Variants in CCL26 observed in about 807,000 individuals in gnomAD.
The protein encoded by CCL26 is C-C motif chemokine 26.
A neutral mutation model predicts 10.7 loss-of-function variants in CCL26; 10 were observed. The observed-to-expected ratio is 0.93, with a 90% confidence interval of 0.57 to 1.58. The LOEUF is 1.58. Ranked by LOEUF, CCL26 falls within the 40% of genes most tolerant of loss-of-function variation. CCL26 has a pLI of 0.00. For missense variants in CCL26, 116 were observed against 111.0 expected, an observed-to-expected ratio of 1.05 and a Z score of -0.20; for synonymous variants, 43 against 41.4, an observed-to-expected ratio of 1.04 and a Z score of -0.15.
rs782291287 is a variant in CCL26, at chr7:75,771,898, C to T, written c.179G>A (p.Arg60Gln). 9 of 1,610,948 alleles carry T rather than the reference C, an allele frequency of 5.6e-6. No individual in the cohort carries two copies. The highest frequency in any genetic ancestry group is 1.3e-5 in the African/African-American group (1 of 74,978). Residue 60 changes from arginine to glutamine, a missense_variant, in exon 2 of 3, where the codon CGG becomes CAG. Physicochemically the swap from Arg to Gln is conservative, Grantham distance 43. Coordinates refer to ENST00000005180, the MANE Select transcript of CCL26 (RefSeq NM_001371938.1). ...TCCGAGAAATACTCACATCACAGCC[C>T]GCTGGGAGCAGCTGTTACTGGTGAA... is the stretch of plus-strand genomic sequence containing the variant. Reference protein sequence around the residue: ...YEFTSNSCSQRAVIFTTKRGK... With the variant: ...YEFTSNSCSQQAVIFTTKRGK...
intron 1 of CCL26, among the ~76,000 whole-genome samples, chr7:75,780,458 A>C (rs1285774405): frequency 2.0e-5 from 3 of 152,056 alleles, no homozygotes; most frequent in Non-Finnish European, 4.4e-5. Flanking sequence ...CCTGACCTAA[A>C]ACCTAAATGC....
At chr7:75,787,651 CAAAAAA>C (rs55770109) in intron 1 of CCL26, among the ~76,000 whole-genome samples, 4 of 27,746 alleles carry the variant, frequency 1.4e-4, no homozygotes, top group East Asian at 1.5e-3. Context: ...TCTCCAAAAG[CAAAAAA>C]AAAAAAAAAA....
chr7:75,783,109 A>G (rs1803102530), intron 1 of CCL26, among the ~76,000 whole-genome samples: 1 of 152,214 alleles, frequency 6.6e-6, no homozygotes, highest in Non-Finnish European at 1.5e-5. Flanking sequence ...GGAGCTGAAG[A>G]CATAGTCAGG....
upstream of CCL26, among the ~76,000 whole-genome samples, chr7:75,773,450 C>T (rs1473116453): frequency 6.6e-6 from 1 of 151,590 alleles, no homozygotes; most frequent in African/African-American, 2.4e-5. Flanking sequence ...GAGATGAGGT[C>T]TCTCTATGTG....
At chr7:75,771,811 C>T (rs1802827131) in intron 2 of CCL26, 78 bp downstream of exon 2, 23 of 889,812 alleles carry the variant, frequency 2.6e-5, no homozygotes, top group Non-Finnish European at 4.4e-5. Flanking sequence ...TCCCAAGGCT[C>T]ATCCTGGGGG....
intron 2 of CCL26, 125 bp from the exon 3 acceptor site, chr7:75,769,914 G>C (rs1802785414): frequency 4.8e-6 from 3 of 628,700 alleles, no homozygotes; most frequent in Admixed American, 5.4e-5. Context: ...GTTGCTCTCT[G>C]TCCCTGTCCC....
At chr7:75,778,618 G>T (rs1279229246) in intron 1 of CCL26, among the ~76,000 whole-genome samples, 3 of 146,538 alleles carry the variant, frequency 2.0e-5, no homozygotes, top group East Asian at 4.1e-4. Flanking sequence ...TCTATTAAGG[G>T]TTCTTTGCAC....
upstream of CCL26, among the ~76,000 whole-genome samples, chr7:75,790,899 A>ACGCCACTG (rs1337902558): frequency 4.6e-5 from 7 of 151,124 alleles, no homozygotes; most frequent in African/African-American, 1.7e-4. Context: ...AGCCAAGATT[A>ACGCCACTG]CGCCACTGCA....
chr7:75,790,309 G>A (rs565704969), upstream of CCL26, among the ~76,000 whole-genome samples: 4 of 145,756 alleles, frequency 2.7e-5, no homozygotes, highest in South Asian at 2.3e-4. Context: ...CTTTGCAGTG[G>A]TGCAATCATA....
chr7:75,786,171 C>G (rs1803180600), intron 1 of CCL26, among the ~76,000 whole-genome samples: 1 of 152,300 alleles, frequency 6.6e-6, no homozygotes, highest in African/African-American at 2.4e-5. Flanking sequence ...CCACATTATT[C>G]CAGATACAAC....
intron 1 of CCL26, among the ~76,000 whole-genome samples, chr7:75,787,264 C>G (rs1388594988): frequency 1.3e-5 from 2 of 152,144 alleles, no homozygotes; most frequent in African/African-American, 2.4e-5. Flanking sequence ...AGCAGTTTCT[C>G]AGGCTCTTGG....
upstream of CCL26, among the ~76,000 whole-genome samples, chr7:75,774,714 G>A (rs375367686): frequency 6.6e-6 from 1 of 151,856 alleles, no homozygotes; most frequent in East Asian, 1.9e-4. Flanking sequence ...CCAAAGTGCT[G>A]AAATTGCAGG....
upstream of CCL26, among the ~76,000 whole-genome samples, chr7:75,791,370 C>A (rs993243407): frequency 2.0e-5 from 3 of 152,118 alleles, no homozygotes; most frequent in African/African-American, 4.8e-5. Context: ...CAGTCAGGAC[C>A]TTGAGTATGC....
upstream of CCL26, among the ~76,000 whole-genome samples, chr7:75,775,887 G>A (rs75515634): frequency 0.035 from 5,258 of 151,712 alleles, 278 homozygotes; most frequent in East Asian, 0.24. Context: ...CACCCAGGCT[G>A]GAGTGCAGTG....
chr7:75,786,903 C>T (rs1241204182), intron 1 of CCL26, among the ~76,000 whole-genome samples: 2 of 152,200 alleles, frequency 1.3e-5, no homozygotes, highest in African/African-American at 4.8e-5. Flanking sequence ...ACTCTCATTT[C>T]CTTTCCATCA....
chr7:75,790,178 C>CCTTCCTTTCTTT (rs60788546), upstream of CCL26, among the ~76,000 whole-genome samples: 279 of 44,260 alleles, frequency 6.3e-3, 3 homozygotes, highest in East Asian at 0.04. Flanking sequence ...TTCCTTCCTT[C>CCTTCCTTTCTTT]CTTTCTTTCT....
chr7:75,787,291 C>T (rs945686894), intron 1 of CCL26, among the ~76,000 whole-genome samples: 7 of 152,062 alleles, frequency 4.6e-5, no homozygotes, highest in Non-Finnish European at 7.4e-5. Context: ...GTGGAAACTT[C>T]GTACCCCTTA....
intron 1 of CCL26, among the ~76,000 whole-genome samples, chr7:75,779,166 A>G (rs1803006207): frequency 6.6e-6 from 1 of 151,594 alleles, no homozygotes. Flanking sequence ...TCCATTACCT[A>G]CCCAAATCCT....
In CCL26 at chr7:75,769,690, G is replaced by A. The variant is rs781957283; in HGVS notation, c.*3C>T. On this transcript the variant is annotated 3_prime_UTR_variant, in exon 3 of 3. Transcript: ENST00000005180. ...AGCGTCCTCGGATGAAAATTCAGCT[G>A]AGTCACAATTGTTTCGGAGTTTTCA... 2.5e-6 allele frequency: 4 copies of A among 1,595,542 alleles called. No individual in the cohort carries two copies.
Sources: allele counts gnomAD v4.1 joint callset (sites outside exome capture counted in the v4.1 genomes callset), GRCh38; gene constraint gnomAD v4.1.1; transcripts MANE v1.5; gene names NCBI Gene and HGNC (gene_info 2026-07-23, HGNC 2026-07-21).